Variants in MUC5AC observed in about 807,000 individuals in gnomAD.
MUC5AC encodes the protein mucin-5AC.
In MUC5AC, 158 loss-of-function variants were observed where a neutral mutation model predicts 169.7. The ratio of observed to expected loss-of-function variants is 0.93; its 90% CI spans 0.82 to 1.06. MUC5AC has a LOEUF of 1.06. MUC5AC is among the 50% of genes least tolerant of loss of function. The pLI is 0.00. For missense variants in MUC5AC, 4,359 were observed against 3,089.9 expected, an observed-to-expected ratio of 1.41 and a Z score of -9.74; for synonymous variants, 1,975 against 1,237.0, an observed-to-expected ratio of 1.60 and a Z score of -12.52.
rs977965534 is a variant in MUC5AC at position 1,197,505 on chromosome 11, C to T, written c.15899C>T (p.Thr5300Met). ...HTVGMDCQEC[T>M]CEAATWTLTC... Reference sequence around the variant, plus strand: ...GTCGGCATGGACTGCCAGGAGTGCACGTGTGAGGCGGCCACGTGGACGCTG... The same window carrying T: ...GTCGGCATGGACTGCCAGGAGTGCATGTGTGAGGCGGCCACGTGGACGCTG... Residue 5300 changes from threonine (T) to methionine (M), a missense_variant, in exon 41 of 49, where the codon ACG (threonine) becomes ATG (methionine). Physicochemically the swap from Thr to Met is moderately conservative, Grantham distance 81. Coordinates refer to ENST00000621226, the MANE Select transcript of MUC5AC (RefSeq NM_001304359.2). The T allele has an allele frequency of 1.9e-5, 14 of 718,022 alleles. No individual in the cohort carries two copies. The highest frequency in any genetic ancestry group is 3.5e-4 in the Middle Eastern group (1 of 2,854). The allele number at this position is 718,022 out of a possible 1,614,324, so 44.5% of individuals were successfully genotyped here.
intron 42 of MUC5AC, 79 bp from the exon 43 acceptor site, chr11:1,198,189 A>G: frequency 1.4e-6 from 1 of 710,190 alleles, no homozygotes; most frequent in Non-Finnish European, 2.6e-6. Context: ...GGCGCCCAGG[A>G]GGCTGCAGGG....
rs1227536320 is a variant in MUC5AC, at chr11:1,195,996, A to G, written c.15579A>G (p.Ala5193=). ...VVCSSLELYA[A]LCASHDICID... ...GCTCCAGCCTGGAGCTGTACGCGGC[A>G]CTCTGTGCGTCCCACGACATCTGCA... is the stretch of plus-strand genomic sequence containing the variant. The change falls in exon 37 of 49, where the codon GCA becomes GCG. Residue 5193 remains alanine (A), a synonymous_variant. Transcript: ENST00000621226. 1 of 764,722 alleles carries G rather than the reference A, an allele frequency of 1.3e-6. No homozygotes were observed. The highest frequency in any genetic ancestry group is 2.4e-6 in the Non-Finnish European group (1 of 417,790). The allele number at this position is 764,722 out of a possible 1,614,324, so 47.4% of individuals were successfully genotyped here. A position where few individuals can be genotyped will look rare whatever the true frequency, so the allele number is the denominator to read the frequency against.
At position 1,188,446 on chromosome 11, in the gene MUC5AC, C is replaced by T. The variant is rs1269243287; in HGVS notation, c.10301C>T (p.Pro3434Leu). 105,298 of 669,808 alleles carry T rather than the reference C, an allele frequency of 0.16. 10,010 individuals are homozygous for T. The highest frequency in any genetic ancestry group is 0.19 in the Non-Finnish European group (71,374 of 368,296). The allele number at this position is 669,808 out of a possible 1,614,324, so 41.5% of individuals were successfully genotyped here. The change falls in exon 31 of 49, where the codon CCT becomes CTT. Residue 3434 changes from proline to leucine, a missense_variant. By Grantham distance (98) the Pro-to-Leu change is moderately conservative (BLOSUM62 -3). Coordinates refer to ENST00000621226, the MANE Select transcript of MUC5AC (RefSeq NM_001304359.2). ...CGTACAACCAGCATAATCTCTGCCC[C>T]TACAACCAGCACAACCTCTTCCCCT... ...SARTTSIISA[P>L]TTSTTSSPTT...
Position 1,185,015 on chromosome 11 carries a change from C to A in MUC5AC, c.6870C>A (p.Thr2290=), listed in dbSNP as rs1860897237. ...CCAGAACAACCTCTGCTCCTACAAC[C>A]AGAACAACCTCTGCCTCTCCAGCCA... ...PTARTTSAPT[T]RTTSASPAST... is the part of the protein sequence containing the mutation. The change falls in exon 31 of 49, where the codon ACC becomes ACA. Residue 2290 remains threonine, a synonymous_variant. Coordinates refer to ENST00000621226, the MANE Select transcript of MUC5AC (RefSeq NM_001304359.2). 14 of 683,624 alleles carry A rather than the reference C, an allele frequency of 2.0e-5. No homozygotes were observed. The highest frequency in any genetic ancestry group is 2.3e-4 in the Middle Eastern group (1 of 4,284). The allele number at this position is 683,624 out of a possible 1,614,324, so 42.3% of individuals were successfully genotyped here. A position where few individuals can be genotyped will look rare whatever the true frequency, so the allele number is the denominator to read the frequency against.
intron 36 of MUC5AC, 123 bp from the exon 37 acceptor site, chr11:1,195,753 C>T (rs1051640078): frequency 1.6e-5 from 9 of 576,990 alleles, no homozygotes; most frequent in Non-Finnish European, 2.5e-5. Flanking sequence ...AGGGCGGCCA[C>T]ACACCAGTGG....
intron 35 of MUC5AC, 102 bp from the exon 36 acceptor site, chr11:1,194,910 A>G: frequency 1.6e-6 from 1 of 634,222 alleles, no homozygotes; most frequent in Non-Finnish European, 2.9e-6. Flanking sequence ...GCTGCAGTTC[A>G]CCAAGTTGTG....
In MUC5AC at chr11:1,186,721, G is replaced by A; in HGVS notation, c.8576G>A (p.Arg2859Lys). The change falls in exon 31 of 49, where the codon AGA (arginine) becomes AAA (lysine). Residue 2859 changes from arginine (R) to lysine (K), a missense_variant. Coordinates refer to ENST00000621226, the MANE Select transcript of MUC5AC (RefSeq NM_001304359.2). The stretch of plus-strand genomic sequence containing the variant: ...AGCACAACCTCTGCCCCTACAACCA[G>A]AACAACCTCTGTCCCTACAAGCAGC... ...TTSTTSAPTT[R>K]TTSVPTSSTT... is the part of the protein sequence containing the mutation. 8 of 730,414 alleles carry A rather than the reference G, an allele frequency of 1.1e-5. No individual in the cohort carries two copies. The highest frequency in any genetic ancestry group is 2.0e-5 in the Non-Finnish European group (8 of 400,524). The allele number at this position is 730,414 out of a possible 1,614,324, so 45.2% of individuals were successfully genotyped here. A position where few individuals can be genotyped will look rare whatever the true frequency, so the allele number is the denominator to read the frequency against.
chr11:1,171,298 TCAC>T (rs1860517945), intron 15 of MUC5AC, among the ~76,000 whole-genome samples: 1 of 107,982 alleles, frequency 9.3e-6, no homozygotes. Flanking sequence ...ATTCACCCAC[TCAC>T]TCACCTACTC....
chr11:1,163,859 G>C (rs28707071), intron 6 of MUC5AC, 23 bp from the exon 7 acceptor site: 900,052 of 1,567,944 alleles, frequency 0.57, 263,834 homozygotes, highest in East Asian at 0.67. Flanking sequence ...TGCAGGCAGA[G>C]CCCGCCTCTG....
At position 1,200,477 on chromosome 11, in the gene MUC5AC, G is replaced by T. The variant is rs1380335837; in HGVS notation, c.16740G>T (p.Gln5580His). The T allele has an allele frequency of 5.5e-6, 4 of 730,394 alleles. No homozygotes were observed. In the African/African-American group the frequency reaches 6.9e-5, roughly 13 times the overall value. 45.2% of individuals were successfully genotyped at this position (730,394 alleles called of 1,614,324 possible). A position where few individuals can be genotyped will look rare whatever the true frequency, so the allele number is the denominator to read the frequency against. Residue 5580 changes from glutamine to histidine, a missense_variant, in exon 49 of 49, where the codon CAG becomes CAT. Gln to His is a conservative substitution (Grantham distance 24). Coordinates refer to ENST00000621226, the MANE Select transcript of MUC5AC (RefSeq NM_001304359.2). ...GCAACACGGTGGAGCACAGGTGCCA[G>T]TGCTGCCAGGAGCTGCGGACCTCGC... ...LEGNTVEHRCQCCQELRTSLR... is the reference protein window; with the variant it reads ...LEGNTVEHRCHCCQELRTSLR...
At chr11:1,163,089 G>GAGGAA in intron 6 of MUC5AC, 44 bp downstream of exon 6, 1 of 1,566,608 alleles carries the variant, frequency 6.4e-7, no homozygotes, top group Non-Finnish European at 8.8e-7. Context: ...AGTGTCCCCT[G>GAGGAA]GGGGCTCAGT....
At position 1,160,635 on chromosome 11, in the gene MUC5AC, G is replaced by C. The variant is rs74607779; in HGVS notation, c.97G>C (p.Glu33Gln). Residue 33 changes from glutamate to glutamine, a missense_variant, in exon 2 of 49, where the codon GAA becomes CAA. Glu to Gln is a conservative substitution (Grantham distance 29, BLOSUM62 2). Coordinates refer to ENST00000621226, the MANE Select transcript of MUC5AC (RefSeq NM_001304359.2). ...AGGCCATGCCCAGGATGGCTCCTCC[G>C]AATCCAGCTACAAGCACCACCCTGC... ...HTGHAQDGSS[E>Q]SSYKHHPALS... 3.7e-6 allele frequency: 6 copies of C among 1,610,080 alleles called. No individual in the cohort carries two copies. The highest frequency in any genetic ancestry group is 5.1e-6 in the Non-Finnish European group (6 of 1,179,566).
Position 1,167,897 on chromosome 11 carries a change from C to T in MUC5AC, c.1407C>T (p.Phe469=). The T allele has an allele frequency of 1.9e-6, 3 of 1,550,462 alleles. No homozygotes were observed. Among genetic ancestry groups the T allele is most frequent in the East Asian group, 4.9e-5 (2 of 40,918 alleles). The change falls in exon 12 of 49, where the codon TTC becomes TTT. Residue 469 remains phenylalanine, a synonymous_variant. Coordinates refer to ENST00000621226, the MANE Select transcript of MUC5AC (RefSeq NM_001304359.2). ...CGCAGCCCTGTGACAGCAGTGCCTT[C>T]ACTGTACTGGCTGAGCTGCGCAGGT... ...VLTKPCDSSA[F]TVLAELRRCG...
At chr11:1,177,691 G>T (rs1159518268) in intron 24 of MUC5AC, 58 bp downstream of exon 24, 17 of 398,256 alleles carry the variant, frequency 4.3e-5, no homozygotes, top group South Asian at 1.3e-4. Flanking sequence ...GGTGGGGAGC[G>T]TGGAACAGGT....
At chr11:1,169,859 C>G (rs1349856613) in intron 15 of MUC5AC, among the ~76,000 whole-genome samples, 132 of 132,772 alleles carry the variant, frequency 9.9e-4, no homozygotes, top group Non-Finnish European at 1.3e-3. Context: ...CCGACTCACC[C>G]ATTCACCCAC....
chr11:1,193,499 G>T lies in MUC5AC; in HGVS notation c.14595G>T (p.Trp4865Cys), dbSNP rs1861176950. 3 of 745,718 alleles carry T rather than the reference G, an allele frequency of 4.0e-6. No individual in the cohort carries two copies. In the East Asian group the frequency reaches 7.5e-5, roughly 19 times the overall value. The allele number at this position is 745,718 out of a possible 1,614,324, so 46.2% of individuals were successfully genotyped here. A position where few individuals can be genotyped will look rare whatever the true frequency, so the allele number is the denominator to read the frequency against. Residue 4865 changes from tryptophan to cysteine, a missense_variant, in exon 33 of 49, where the codon TGG (tryptophan) becomes TGT (cysteine). Trp to Cys is a radical substitution (Grantham distance 215). Transcript: ENST00000621226. ...AVPPRKKGET[W>C]ATPNCSEATC... ...TGCTTCTGCAGAAAGGTGAGACCTGGGCCACACCCAACTGCTCCGAGGCCA... is the reference window on the plus strand; with the variant it reads ...TGCTTCTGCAGAAAGGTGAGACCTGTGCCACACCCAACTGCTCCGAGGCCA...
In MUC5AC at chr11:1,200,723, A is replaced by G. The variant is rs757959804; in HGVS notation, c.*21A>G. On this transcript the variant is annotated 3_prime_UTR_variant, in exon 49 of 49. Coordinates refer to ENST00000621226, the MANE Select transcript of MUC5AC (RefSeq NM_001304359.2). ...ACTGACCAGCACTGCCGCCCTCCTG[A>G]CCTCCAAGGAGAACCTCCCATATGT... The G allele has an allele frequency of 1.4e-6, 1 of 702,670 alleles. No homozygotes were observed. The highest frequency in any genetic ancestry group is 1.5e-5 in the South Asian group (1 of 66,732). The allele number at this position is 702,670 out of a possible 1,614,324, so 43.5% of individuals were successfully genotyped here. A position where few individuals can be genotyped will look rare whatever the true frequency, so the allele number is the denominator to read the frequency against.
rs775435947 is a variant in MUC5AC at position 1,192,532 on chromosome 11, G to C, written c.14380+7G>C. 1 of 763,664 alleles carries C rather than the reference G, an allele frequency of 1.3e-6. No homozygotes were observed. The highest frequency in any genetic ancestry group is 2.4e-6 in the Non-Finnish European group (1 of 416,702). 47.3% of individuals were successfully genotyped at this position (763,664 alleles called of 1,614,324 possible). A position where few individuals can be genotyped will look rare whatever the true frequency, so the allele number is the denominator to read the frequency against. On this transcript the variant is annotated splice_region_variant and intron_variant, in intron 31 of 48. Transcript: ENST00000621226. ...GACCGGCTCTACCCTGCAGGTTCGT[G>C]AGTGTTTCTGGTGCAATTGTTTCTG...
In MUC5AC at chr11:1,184,996, CA is replaced by C; in HGVS notation, c.6853del (p.Thr2285ProfsTer40). 1 of 683,886 alleles carries C rather than the reference CA, an allele frequency of 1.5e-6. No homozygotes were observed. The allele number at this position is 683,886 out of a possible 1,614,324, so 42.4% of individuals were successfully genotyped here. A position where few individuals can be genotyped will look rare whatever the true frequency, so the allele number is the denominator to read the frequency against. ...TSTTSAPTAR[T>X]TSAPTTRTTS... ...ACAACCTCTGCTCCTACAGCCAGAA[CA>C]ACCTCTGCTCCTACAACCAGAACAA... On this transcript the variant is annotated frameshift_variant, in exon 31 of 49. Transcript: ENST00000621226. LOFTEE classifies it high-confidence loss of function.
Sources: gnomAD v4.1 joint callset for allele counts (sites outside exome capture counted in the v4.1 genomes callset) on GRCh38, gnomAD v4.1.1 for gene constraint, MANE v1.5 for transcripts, NCBI Gene and HGNC (gene_info 2026-07-23, HGNC 2026-07-21) for gene names.